RAB2A: variants seen among roughly 807,000 people sequenced by gnomAD.
RAB2A encodes ras-related protein Rab-2A.
A neutral mutation model predicts 32.5 loss-of-function variants in RAB2A; 7 were observed. The ratio of observed to expected loss-of-function variants is 0.22; its 90% confidence interval spans 0.12 to 0.40. RAB2A has a LOEUF of 0.40. Among genes scored for constraint, RAB2A ranks in the 10% least tolerant of loss-of-function variants. The pLI, the probability that RAB2A is intolerant of heterozygous loss-of-function variation, is 1.00. For synonymous variants in RAB2A, 79 were observed against 85.2 expected (o/e 0.93, Z 0.40); for missense variants, 108 against 260.7 (o/e 0.41, Z 4.03).
At chr8:60,608,469 C>G (rs1422930533) in intron 6 of RAB2A, among the ~76,000 whole-genome samples, 1 of 150,010 alleles carries the variant, frequency 6.7e-6, no homozygotes, top group Non-Finnish European at 1.5e-5. Context: ...CGCCCCCGGT[C>G]CTGCTCCCTC....
chr8:60,601,319 T>C lies in RAB2A; in HGVS notation c.474+9350T>C, dbSNP rs1317724100. ...CAAATAATAATTAATGTTGAGATTT[T>C]TATTATGCATAGACTTTATTTTCTT... On this transcript the variant is annotated intron_variant, in intron 6 of 7. Coordinates refer to ENST00000262646, the MANE Select transcript of RAB2A (RefSeq NM_002865.3). Among the ~76,000 whole-genome samples the C allele has an allele frequency of 3.9e-5, 6 of 152,206 alleles. 1 individual carries two copies.
intron 5 of RAB2A, among the ~76,000 whole-genome samples, chr8:60,588,447 C>T (rs911352576): frequency 5.9e-5 from 9 of 152,154 alleles, no homozygotes; most frequent in African/African-American, 2.2e-4. Flanking sequence ...TATCAATTAA[C>T]AGATGAATCG....
chr8:60,583,695 C>T (rs761856795), intron 3 of RAB2A, among the ~76,000 whole-genome samples: 5 of 152,178 alleles, frequency 3.3e-5, no homozygotes, highest in Non-Finnish European at 7.3e-5. Flanking sequence ...CATCCTTGGC[C>T]TTCCAACAAC....
chr8:60,547,939 TC>T, intron 1 of RAB2A, among the ~76,000 whole-genome samples: 1 of 91,186 alleles, frequency 1.1e-5, no homozygotes, highest in Non-Finnish European at 2.1e-5. Context: ...GCTCCTCACT[TC>T]CCAGTAGGGG....
At chr8:60,543,020 CT>C (rs1160857792) in intron 1 of RAB2A, among the ~76,000 whole-genome samples, 2 of 152,222 alleles carry the variant, frequency 1.3e-5, no homozygotes, top group Non-Finnish European at 1.5e-5. Context: ...TCCCAATTTT[CT>C]TTTCCCACAC....
At chr8:60,594,336 A>G (rs1442402670) in intron 6 of RAB2A, among the ~76,000 whole-genome samples, 1 of 152,202 alleles carries the variant, frequency 6.6e-6, no homozygotes, top group African/African-American at 2.4e-5. Context: ...GTATGGTCAA[A>G]TTTCTGAACG....
chr8:60,605,832 C>CATATATATATATATATATATATAT lies in RAB2A; in HGVS notation c.475-12741_475-12740insTATATATATATATATATATATATA, dbSNP rs1328541490. 2.5e-3 allele frequency among the ~76,000 whole-genome samples: 298 copies of CATATATATATATATATATATATAT among 120,722 alleles called. 34 individuals carry two copies. The highest frequency in any genetic ancestry group is 0.01 in the African/African-American group (261 of 26,040). The allele number at this position is 120,722 out of a possible 152,430, so 79.2% of individuals were successfully genotyped here. A position where few individuals can be genotyped will look rare whatever the true frequency, so the allele number is the denominator to read the frequency against. On this transcript the variant is annotated intron_variant, in intron 6 of 7. Coordinates refer to ENST00000262646, the MANE Select transcript of RAB2A (RefSeq NM_002865.3). ...GGCTCATAGGCAAAAGGGACTAATA[C>CATATATATATATATATATATATAT]ATATATACATATATATATATAATGC... is the stretch of plus-strand genomic sequence containing the variant.
intron 1 of RAB2A, among the ~76,000 whole-genome samples, chr8:60,556,487 A>G (rs1807940311): frequency 6.6e-6 from 1 of 152,050 alleles, no homozygotes; most frequent in East Asian, 1.9e-4. Flanking sequence ...TATGTCAATT[A>G]AAATTTAAAA....
chr8:60,534,507 C>G (rs997936528), intron 1 of RAB2A, among the ~76,000 whole-genome samples: 2 of 152,170 alleles, frequency 1.3e-5, no homozygotes, highest in Non-Finnish European at 2.9e-5. Context: ...AATGAAAAAT[C>G]AGGTGATAGG....
chr8:60,566,931 C>T (rs748705100), intron 2 of RAB2A, among the ~76,000 whole-genome samples: 5 of 152,142 alleles, frequency 3.3e-5, no homozygotes, highest in Non-Finnish European at 5.9e-5. Context: ...GCAAAAGACA[C>T]GATTTCATTC....
intron 1 of RAB2A, among the ~76,000 whole-genome samples, chr8:60,526,719 T>C (rs967370608): frequency 1.3e-5 from 2 of 152,140 alleles, no homozygotes; most frequent in African/African-American, 4.8e-5. Flanking sequence ...CCTGTAATCC[T>C]AGCACTTTGG....
intron 6 of RAB2A, among the ~76,000 whole-genome samples, chr8:60,612,346 T>C (rs976141809): frequency 1.3e-5 from 2 of 152,228 alleles, no homozygotes; most frequent in Admixed American, 6.5e-5. Context: ...GTGTTTAGGC[T>C]CCCTACTTTC....
At chr8:60,556,864 A>G (rs953782333) in intron 1 of RAB2A, among the ~76,000 whole-genome samples, 3 of 152,182 alleles carry the variant, frequency 2.0e-5, no homozygotes, top group Non-Finnish European at 4.4e-5. Flanking sequence ...AAGTCTCTCA[A>G]GAAAACATGT....
At chr8:60,520,917 A>G (rs748069004) in intron 1 of RAB2A, among the ~76,000 whole-genome samples, 1 of 152,180 alleles carries the variant, frequency 6.6e-6, no homozygotes, top group Non-Finnish European at 1.5e-5. Context: ...CCTGGGCCTA[A>G]GCAATCCTCC....
chr8:60,572,386 A>T (rs998063538), intron 3 of RAB2A, among the ~76,000 whole-genome samples: 4 of 152,194 alleles, frequency 2.6e-5, no homozygotes, highest in African/African-American at 9.7e-5. Context: ...CTGTATTTTT[A>T]AGAAAAACAA....
chr8:60,575,250 C>T (rs562455558), intron 3 of RAB2A, among the ~76,000 whole-genome samples: 38 of 151,992 alleles, frequency 2.5e-4, no homozygotes, highest in Non-Finnish European at 4.4e-4. Flanking sequence ...ACATGCATGC[C>T]ACCACATGCA....
chr8:60,542,928 C>A (rs1246448704), intron 1 of RAB2A, among the ~76,000 whole-genome samples: 1 of 152,180 alleles, frequency 6.6e-6, no homozygotes, highest in African/African-American at 2.4e-5. Flanking sequence ...GGCATGCATT[C>A]AATTAATATT....
intron 1 of RAB2A, among the ~76,000 whole-genome samples, chr8:60,546,944 AG>A (rs1477699129): frequency 2.8e-4 from 33 of 115,920 alleles, no homozygotes; most frequent in African/African-American, 1.2e-3. Flanking sequence ...TTTCTCGCAG[AG>A]GGGGATTTGG....
intron 1 of RAB2A, among the ~76,000 whole-genome samples, chr8:60,533,576 G>A (rs1011873586): frequency 2.0e-5 from 3 of 152,212 alleles, no homozygotes; most frequent in African/African-American, 7.2e-5. Flanking sequence ...AATTTGTGCT[G>A]GAGTAGGAAT....
Sources: gnomAD v4.1 joint callset for allele counts (sites outside exome capture counted in the v4.1 genomes callset) on GRCh38, gnomAD v4.1.1 for gene constraint, MANE v1.5 for transcripts, NCBI Gene and HGNC (gene_info 2026-07-23, HGNC 2026-07-21) for gene names.